Variants in SCN3A observed in about 807,000 individuals in gnomAD.
The protein encoded by SCN3A is sodium voltage-gated channel alpha subunit 3.
SCN3A carries 60 observed loss-of-function variants against 187.6 expected under a neutral mutation model. The ratio of observed to expected loss-of-function variants is 0.32; its 90% CI spans 0.26 to 0.40. The LOEUF (loss-of-function observed/expected upper bound fraction) is 0.40, where lower values mean the gene tolerates loss of function less well. Among genes scored for constraint, SCN3A ranks in the 10% least tolerant of loss-of-function variants. The pLI is 1.00. For missense variants in SCN3A, 1,601 were observed against 2,428.2 expected, an observed-to-expected ratio of 0.66 and a Z score of 7.16; for synonymous variants, 788 against 829.2, an observed-to-expected ratio of 0.95 and a Z score of 0.85.
At chr2:165,114,150 A>G (rs896015873) in intron 19 of SCN3A, among the ~76,000 whole-genome samples, 180 bp from the exon 20 acceptor site, 11 of 151,972 alleles carry the variant, frequency 7.2e-5, no homozygotes, top group Admixed American at 5.9e-4. Context: ...AGACTTATAT[A>G]CTCAGCCAGC....
chr2:165,191,503 A>G (rs1325172322), intron 1 of SCN3A, among the ~76,000 whole-genome samples: 2 of 152,104 alleles, frequency 1.3e-5, no homozygotes, highest in African/African-American at 4.8e-5. Flanking sequence ...CTGTAGCCTA[A>G]CTGGCTTCCA....
intron 12 of SCN3A, among the ~76,000 whole-genome samples, chr2:165,142,145 C>T (rs994530228): frequency 1.3e-5 from 2 of 152,190 alleles, no homozygotes; most frequent in Non-Finnish European, 2.9e-5. Context: ...CTTCTCTTCA[C>T]ACCCAGGGTA....
chr2:165,103,888 A>G (rs1685726677), intron 21 of SCN3A, among the ~76,000 whole-genome samples: 1 of 152,192 alleles, frequency 6.6e-6, no homozygotes, highest in Non-Finnish European at 1.5e-5. Context: ...ATCCATAAGC[A>G]TTCTCATTAA....
Position 165,168,807 on chromosome 2 carries a change from G to A in SCN3A, c.402C>T (p.Ile134=). ...CACAGTTGGTCAAAATAGTGCACATGATAAGCATGCTGAATAAAGTAGATT... is the reference window on the plus strand; with the variant it reads ...CACAGTTGGTCAAAATAGTGCACATAATAAGCATGCTGAATAAAGTAGATT... ...ILVHSLFSML[I]MCTILTNCVF... The change falls in exon 5 of 28, where the codon ATC becomes ATT. Residue 134 remains isoleucine (I), a synonymous_variant. Transcript: ENST00000283254. The A allele has an allele frequency of 6.2e-7, 1 of 1,611,148 alleles. No homozygotes were observed. The highest frequency in any genetic ancestry group is 1.1e-5 in the South Asian group (1 of 91,020).
At chr2:165,182,522 G>C (rs1690944508) in intron 2 of SCN3A, among the ~76,000 whole-genome samples, 1 of 152,174 alleles carries the variant, frequency 6.6e-6, no homozygotes, top group Admixed American at 6.5e-5. Context: ...AAAAACCACA[G>C]CCAGAGGAGT....
In SCN3A at chr2:165,130,260, G is replaced by A. The variant is rs146737695; in HGVS notation, c.2602C>T (p.Leu868=). 449 of 1,614,152 alleles carry A rather than the reference G, an allele frequency of 2.8e-4. 2 individuals carry two copies. The Middle Eastern group carries it at 5.8e-3, about 21-fold the overall frequency. ...VFKLAKSWPT[L]NMLIKIIGNS... ...CCAATGATCTTAATTAGCATATTTA[G>A]TGTGGGCCAGGATTTTGCCAACTTG... is the stretch of plus-strand genomic sequence containing the variant. The change falls in exon 17 of 28, where the codon CTA becomes TTA. Residue 868 remains leucine, a synonymous_variant. Transcript: ENST00000283254.
chr2:165,164,291 C>A, intron 6 of SCN3A, 101 bp downstream of exon 6: 1 of 1,475,758 alleles, frequency 6.8e-7, no homozygotes, highest in South Asian at 1.2e-5. Context: ...GTTAACTTGA[C>A]TAACAAGAAA....
intron 1 of SCN3A, among the ~76,000 whole-genome samples, chr2:165,190,530 A>G (rs1253165133): frequency 6.8e-6 from 1 of 146,150 alleles, no homozygotes; most frequent in African/African-American, 2.5e-5. Context: ...AACTTTATAT[A>G]TATAACATTT....
intron 12 of SCN3A, among the ~76,000 whole-genome samples, chr2:165,145,328 G>T (rs1209451764): frequency 1.3e-5 from 2 of 151,852 alleles, no homozygotes; most frequent in Non-Finnish European, 2.9e-5. Context: ...AAAAAAATCT[G>T]ATCTGAGGAA....
At chr2:165,198,261 A>G (rs1460948002) in intron 1 of SCN3A, among the ~76,000 whole-genome samples, 1 of 152,020 alleles carries the variant, frequency 6.6e-6, no homozygotes, top group Non-Finnish European at 1.5e-5. Context: ...GAAATCAAGA[A>G]GGTAATGCAT....
chr2:165,148,750 A>C (rs1422913143), intron 11 of SCN3A, among the ~76,000 whole-genome samples: 1 of 152,106 alleles, frequency 6.6e-6, no homozygotes, highest in Non-Finnish European at 1.5e-5. Context: ...TTCAGAATTT[A>C]GATATTTATA....
At chr2:165,196,800 A>G (rs1163673149) in intron 1 of SCN3A, among the ~76,000 whole-genome samples, 1 of 152,148 alleles carries the variant, frequency 6.6e-6, no homozygotes, top group Non-Finnish European at 1.5e-5. Flanking sequence ...ATCTGCCTAA[A>G]TTGCACTTTT....
At chr2:165,176,080 C>T (rs748787892) in intron 3 of SCN3A, 51 bp downstream of exon 3, 42 of 1,571,850 alleles carry the variant, frequency 2.7e-5, no homozygotes, top group Non-Finnish European at 3.4e-5. Context: ...AAGTATATTA[C>T]AGTTAAGAGT....
chr2:165,103,058 C>T (rs966926935), intron 21 of SCN3A, among the ~76,000 whole-genome samples: 3 of 152,224 alleles, frequency 2.0e-5, no homozygotes, highest in African/African-American at 4.8e-5. Context: ...ACTTAAGCTA[C>T]AATGTCATTT....
rs187249969 is a variant in SCN3A at position 165,159,710 on chromosome 2, T to C, written c.1031+2598A>G. On this transcript the variant is annotated intron_variant, in intron 9 of 27. Coordinates refer to ENST00000283254, the MANE Select transcript of SCN3A (RefSeq NM_006922.4). The stretch of plus-strand genomic sequence containing the variant: ...AAATCAGATATGTGCTTTGCAAATA[T>C]TGTCTTCCAGTTGCTGGTTTGTCTT... Among the ~76,000 whole-genome samples, 132 of 133,718 alleles carry C rather than the reference T, an allele frequency of 9.9e-4. 22 individuals carry two copies. The highest frequency in any genetic ancestry group is 3.7e-3 in the African/African-American group (119 of 32,356). 87.7% of individuals were successfully genotyped at this position (133,718 alleles called of 152,430 possible).
At chr2:165,202,574 T>C (rs1692386565) in intron 1 of SCN3A, among the ~76,000 whole-genome samples, 1 of 151,910 alleles carries the variant, frequency 6.6e-6, no homozygotes, top group Admixed American at 6.6e-5. Flanking sequence ...TTTTGAAATG[T>C]TTTTGGGGGG....
At chr2:165,153,949 G>T (rs1574240021) in intron 11 of SCN3A, among the ~76,000 whole-genome samples, 1 of 137,138 alleles carries the variant, frequency 7.3e-6, no homozygotes, top group African/African-American at 2.8e-5. Context: ...TCTAACTTTA[G>T]ATACCTTCCT....
intron 11 of SCN3A, among the ~76,000 whole-genome samples, chr2:165,147,275 CTT>C (rs200467207): frequency 2.3e-5 from 2 of 88,826 alleles, no homozygotes; most frequent in Non-Finnish European, 4.8e-5. Flanking sequence ...TCTGGATTGT[CTT>C]TTTTTTGGGG....
At chr2:165,136,489 C>G (rs189153669) in intron 15 of SCN3A, among the ~76,000 whole-genome samples, 17 of 152,190 alleles carry the variant, frequency 1.1e-4, no homozygotes, top group Admixed American at 4.6e-4. Flanking sequence ...CAACTCTGCA[C>G]GAAGGGTATT....
Sources: gnomAD v4.1 joint callset for allele counts (sites outside exome capture counted in the v4.1 genomes callset) on GRCh38, gnomAD v4.1.1 for gene constraint, MANE v1.5 for transcripts, NCBI Gene and HGNC (gene_info 2026-07-23, HGNC 2026-07-21) for gene names.